LMNB1: variants seen among roughly 807,000 people sequenced by gnomAD.
The protein encoded by LMNB1 is lamin B1.
In LMNB1, 23 loss-of-function variants were observed where a neutral mutation model predicts 67.1. That is an observed-to-expected ratio of 0.34 (90% CI 0.25 to 0.49). The LOEUF (loss-of-function observed/expected upper bound fraction) is 0.49. Among genes scored for constraint, LMNB1 ranks in the 20% least tolerant of loss-of-function variants. The pLI is 0.99. For missense variants in LMNB1, 634 were observed against 746.5 expected (o/e 0.85, Z 1.76); for synonymous variants, 281 against 282.9 (o/e 0.99, Z 0.07).
chr5:126,819,553 G>T (rs1165386248), intron 6 of LMNB1, among the ~76,000 whole-genome samples: 1 of 151,734 alleles, frequency 6.6e-6, no homozygotes, highest in Non-Finnish European at 1.5e-5. Flanking sequence ...GCAGTGGTGT[G>T]ATTCTCGGCT....
At position 126,779,478 on chromosome 5, in the gene LMNB1, A is replaced by G. The variant is rs192277768; in HGVS notation, c.359+1611A>G. The stretch of plus-strand genomic sequence containing the variant: ...ATTTTTTGCCACTGAATTCCTTCAA[A>G]TCTTAGATATCGTTGCTTGTAAGAC... On this transcript the variant is annotated intron_variant, in intron 1 of 10. Coordinates refer to ENST00000261366, the MANE Select transcript of LMNB1 (RefSeq NM_005573.4). Among the ~76,000 whole-genome samples the G allele has an allele frequency of 3.2e-3, 491 of 152,306 alleles. 4 individuals are homozygous for G. Among genetic ancestry groups the G allele is most frequent in the African/African-American group, 0.011 (475 of 41,574 alleles).
At chr5:126,790,287 G>C (rs529070296) in intron 1 of LMNB1, among the ~76,000 whole-genome samples, 4 of 151,792 alleles carry the variant, frequency 2.6e-5, no homozygotes, top group Admixed American at 6.6e-5. Flanking sequence ...TGTATTTTTA[G>C]TAGAGAAGGG....
intron 1 of LMNB1, among the ~76,000 whole-genome samples, chr5:126,795,008 G>A (rs900778997): frequency 6.6e-6 from 1 of 151,460 alleles, no homozygotes; most frequent in African/African-American, 2.4e-5. Flanking sequence ...AGATTATGTT[G>A]TATTTGTCCC....
chr5:126,802,344 TAAGTA>T (rs1284306282), intron 1 of LMNB1, among the ~76,000 whole-genome samples: 1 of 152,252 alleles, frequency 6.6e-6, no homozygotes, highest in East Asian at 1.9e-4. Context: ...CAAACATCAG[TAAGTA>T]AAAGTACTCT....
At chr5:126,800,951 C>CTACATATATATA (rs1210732092) in intron 1 of LMNB1, among the ~76,000 whole-genome samples, 23 of 47,310 alleles carry the variant, frequency 4.9e-4, no homozygotes, top group South Asian at 4.1e-3. Flanking sequence ...TGCAGCCAGA[C>CTACATATATATA]TATATATATA....
chr5:126,798,531 A>AT (rs1210929513), intron 1 of LMNB1, among the ~76,000 whole-genome samples: 1 of 152,086 alleles, frequency 6.6e-6, no homozygotes, highest in East Asian at 1.9e-4. Context: ...AACCTTAAGA[A>AT]TTTTTTTTCA....
chr5:126,787,924 G>A (rs540458467), intron 1 of LMNB1, among the ~76,000 whole-genome samples: 2 of 152,000 alleles, frequency 1.3e-5, no homozygotes, highest in South Asian at 4.2e-4. Flanking sequence ...GTGGACCCAA[G>A]ATTTTAAGGC....
chr5:126,778,232 GGAGCGC>G (rs1056183253), intron 1 of LMNB1, among the ~76,000 whole-genome samples: 1 of 152,022 alleles, frequency 6.6e-6, no homozygotes, highest in Non-Finnish European at 1.5e-5. Context: ...GCGGGGAGCT[GGAGCGC>G]GAGCGCGCGC....
chr5:126,792,022 A>G (rs1214299661), intron 1 of LMNB1, among the ~76,000 whole-genome samples: 1 of 151,890 alleles, frequency 6.6e-6, no homozygotes, highest in Admixed American at 6.6e-5. Context: ...ACCTCAAGTG[A>G]TCCACCTATC....
intron 1 of LMNB1, among the ~76,000 whole-genome samples, chr5:126,787,544 A>ATTTT (rs1222029249): frequency 7.9e-5 from 6 of 76,292 alleles, no homozygotes; most frequent in Admixed American, 1.7e-4. Flanking sequence ...ATATATATAT[A>ATTTT]TATTTTTTTT....
intron 9 of LMNB1, among the ~76,000 whole-genome samples, chr5:126,830,692 A>G (rs966234676): frequency 1.3e-5 from 2 of 152,192 alleles, no homozygotes; most frequent in East Asian, 1.9e-4. Flanking sequence ...TTAAGAGCCA[A>G]TGTTTGCATA....
chr5:126,809,719 C>G (rs181730831), intron 3 of LMNB1, among the ~76,000 whole-genome samples: 1 of 148,616 alleles, frequency 6.7e-6, no homozygotes, highest in East Asian at 2.0e-4. Flanking sequence ...AAAATAGTTT[C>G]ATTTCACATA....
intron 9 of LMNB1, among the ~76,000 whole-genome samples, chr5:126,832,317 C>CT (rs1299266254): frequency 1.1e-3 from 170 of 149,534 alleles, no homozygotes; most frequent in East Asian, 3.5e-3. Context: ...AATGCTGTCT[C>CT]TTTTTTTTTT....
intron 8 of LMNB1, 84 bp from the exon 9 acceptor site, chr5:126,825,904 G>A: frequency 6.4e-7 from 1 of 1,559,746 alleles, no homozygotes; most frequent in Non-Finnish European, 8.8e-7. Flanking sequence ...TTAGAATCAA[G>A]TGTTTGAGTC....
chr5:126,834,167 A>G (rs561337071), intron 10 of LMNB1, among the ~76,000 whole-genome samples: 56 of 151,512 alleles, frequency 3.7e-4, no homozygotes, highest in African/African-American at 9.2e-4. Flanking sequence ...TAGCATGGCA[A>G]TTGTCTAACA....
chr5:126,821,422 T>G (rs1033551426), intron 7 of LMNB1, among the ~76,000 whole-genome samples: 11 of 152,174 alleles, frequency 7.2e-5, no homozygotes, highest in African/African-American at 2.7e-4. Flanking sequence ...GAGGATGAGT[T>G]ATTATTATTC....
intron 3 of LMNB1, among the ~76,000 whole-genome samples, chr5:126,808,052 A>G (rs1046556252): frequency 6.6e-6 from 1 of 151,856 alleles, no homozygotes; most frequent in African/African-American, 2.4e-5. Flanking sequence ...TTGTATTTTT[A>G]GTAGAGACAG....
intron 1 of LMNB1, among the ~76,000 whole-genome samples, chr5:126,794,090 A>T (rs1391504440): frequency 6.6e-6 from 1 of 151,902 alleles, no homozygotes; most frequent in Non-Finnish European, 1.5e-5. Context: ...ATGAGCCACC[A>T]CGCCCAGCCA....
intron 1 of LMNB1, among the ~76,000 whole-genome samples, chr5:126,800,171 C>T (rs1751235138): frequency 6.6e-6 from 1 of 152,080 alleles, no homozygotes; most frequent in Non-Finnish European, 1.5e-5. Flanking sequence ...CCAGACATTG[C>T]CAGGCACTGA....
Sources: gnomAD v4.1 joint callset for allele counts (sites outside exome capture counted in the v4.1 genomes callset) on GRCh38, gnomAD v4.1.1 for gene constraint, MANE v1.5 for transcripts, NCBI Gene and HGNC (gene_info 2026-07-23, HGNC 2026-07-21) for gene names.